Variants in SLC25A48 observed in about 807,000 individuals in gnomAD.
SLC25A48 encodes CTC-321K16.1.
Under a neutral mutation model 32.2 loss-of-function variants are expected in SLC25A48, and 29 were observed. The ratio of observed to expected loss-of-function variants is 0.90; its 90% CI spans 0.67 to 1.23. The LOEUF (loss-of-function observed/expected upper bound fraction) is 1.23, where lower values mean the gene tolerates loss of function less well. Ranked by LOEUF, SLC25A48 falls within the 50% of genes most tolerant of loss-of-function variation. The pLI, the probability that SLC25A48 is intolerant of heterozygous loss-of-function variation, is 0.00. For missense variants in SLC25A48, 399 were observed against 422.7 expected (o/e 0.94, Z 0.49); for synonymous variants, 164 against 172.3 (o/e 0.95, Z 0.38).
intron 3 of SLC25A48, among the ~76,000 whole-genome samples, chr5:135,782,407 G>A (rs1226589622): frequency 8.6e-6 from 1 of 116,624 alleles, no homozygotes; most frequent in African/African-American, 2.6e-5. Flanking sequence ...CCCCAATACC[G>A]CAGCAGGTGC....
intron 3 of SLC25A48, among the ~76,000 whole-genome samples, chr5:135,776,288 A>G (rs912653777): frequency 2.0e-5 from 3 of 151,122 alleles, no homozygotes; most frequent in African/African-American, 7.3e-5. Context: ...GGCAGAGAGA[A>G]TAATATTACT....
chr5:135,761,252 G>A (rs907736173), intron 3 of SLC25A48, among the ~76,000 whole-genome samples: 5 of 152,266 alleles, frequency 3.3e-5, no homozygotes, highest in African/African-American at 9.6e-5. Flanking sequence ...GGTTGAGGCT[G>A]CAATGAGCCA....
rs113349992 is a variant in SLC25A48, at chr5:135,593,425, A to G, written c.-849+13828A>G. On this transcript the variant is annotated intron_variant, in intron 1 of 10. Transcript: ENST00000646290. ...AACCTCAGGTCAACACTCAATGGAT[A>G]TTTCGTGTTTCTAGCCTCTGGCAGA... Among the ~76,000 whole-genome samples, 1,272 of 152,282 alleles carry G rather than the reference A, an allele frequency of 8.4e-3. 30 individuals are homozygous for G. Among genetic ancestry groups the G allele is most frequent in the African/African-American group, 0.028 (1,183 of 41,538 alleles).
intron 3 of SLC25A48, among the ~76,000 whole-genome samples, chr5:135,773,546 G>A (rs951201535): frequency 2.0e-5 from 3 of 150,640 alleles, no homozygotes; most frequent in Admixed American, 6.7e-5. Flanking sequence ...GATACTGTGC[G>A]ATCCCCCCAC....
chr5:135,673,350 A>T (rs1753698487), intron 3 of SLC25A48, among the ~76,000 whole-genome samples: 1 of 152,230 alleles, frequency 6.6e-6, no homozygotes, highest in Admixed American at 6.5e-5. Flanking sequence ...CTCTCCAGAA[A>T]TGCCTCTGAG....
rs189219922 is a variant in SLC25A48 at position 135,853,963 on chromosome 5, G to A, written c.421+1142G>A. On this transcript the variant is annotated intron_variant, in intron 4 of 7. Coordinates refer to ENST00000681962, the MANE Select transcript of SLC25A48 (RefSeq NM_001349336.2). The stretch of plus-strand genomic sequence containing the variant: ...TGCCGAATGGATGCTGTGTTAGCAG[G>A]CCTGGAAACAACATTCATCTCCTTG... Among the ~76,000 whole-genome samples, 21 of 152,290 alleles carry A rather than the reference G, an allele frequency of 1.4e-4. No individual in the cohort carries two copies. The East Asian group carries it at 4.0e-3, about 29-fold the overall frequency.
intron 3 of SLC25A48, among the ~76,000 whole-genome samples, chr5:135,738,343 A>G (rs1446032993): frequency 2.6e-5 from 4 of 152,204 alleles, no homozygotes; most frequent in African/African-American, 9.6e-5. Context: ...AATCTGTCCA[A>G]TTAATTCTGC....
intron 1 of SLC25A48, among the ~76,000 whole-genome samples, chr5:135,841,715 G>A (rs953219603): frequency 6.7e-6 from 1 of 150,056 alleles, no homozygotes; most frequent in Non-Finnish European, 1.5e-5. Context: ...GTGGGTGGGG[G>A]GTATAAAACA....
At chr5:135,668,276 A>G (rs1267255279) in intron 3 of SLC25A48, among the ~76,000 whole-genome samples, 1 of 152,252 alleles carries the variant, frequency 6.6e-6, no homozygotes, top group East Asian at 1.9e-4. Context: ...TTTAAGACTT[A>G]TGGATCAAAA....
intron 3 of SLC25A48, among the ~76,000 whole-genome samples, chr5:135,756,968 C>T (rs1266601557): frequency 6.7e-6 from 1 of 149,430 alleles, no homozygotes; most frequent in Admixed American, 6.7e-5. Context: ...TGTTAACACA[C>T]TATGATGTTA....
At chr5:135,814,499 T>C (rs1272498250) in intron 4 of SLC25A48, among the ~76,000 whole-genome samples, 1 of 152,142 alleles carries the variant, frequency 6.6e-6, no homozygotes, top group Non-Finnish European at 1.5e-5. Context: ...GGTCAGATGG[T>C]CCCTGTTACA....
chr5:135,698,398 G>A (rs1754316206), intron 3 of SLC25A48, among the ~76,000 whole-genome samples: 1 of 152,070 alleles, frequency 6.6e-6, no homozygotes, highest in Non-Finnish European at 1.5e-5. Flanking sequence ...ATGTGGCTGG[G>A]TCAAAGCCAT....
At chr5:135,718,304 C>T (rs904500216) in intron 3 of SLC25A48, among the ~76,000 whole-genome samples, 12 of 152,088 alleles carry the variant, frequency 7.9e-5, no homozygotes, top group Non-Finnish European at 1.5e-4. Context: ...AAGTAATAGC[C>T]GGGCACTAGG....
chr5:135,720,526 C>T (rs188650131), intron 3 of SLC25A48, among the ~76,000 whole-genome samples: 193 of 152,328 alleles, frequency 1.3e-3, no homozygotes, highest in Middle Eastern at 3.4e-3. Flanking sequence ...TGACTTTTCA[C>T]GAGAATCAAT....
At chr5:135,746,639 TAC>T (rs1354373799) in intron 3 of SLC25A48, among the ~76,000 whole-genome samples, 1 of 152,194 alleles carries the variant, frequency 6.6e-6, no homozygotes, top group Admixed American at 6.5e-5. Flanking sequence ...CTATCATACA[TAC>T]TTCGGCAGTG....
intron 3 of SLC25A48, among the ~76,000 whole-genome samples, chr5:135,797,586 G>T (rs1580891643): frequency 6.6e-6 from 1 of 151,774 alleles, no homozygotes; most frequent in Non-Finnish European, 1.5e-5. Flanking sequence ...TGATATTGCT[G>T]TCAGTATCCA....
At chr5:135,598,815 T>C (rs1303583092) in intron 1 of SLC25A48, among the ~76,000 whole-genome samples, 2 of 152,230 alleles carry the variant, frequency 1.3e-5, no homozygotes, top group East Asian at 3.9e-4. Context: ...TAAAGTGAAA[T>C]GGAGGACATA....
intron 1 of SLC25A48, among the ~76,000 whole-genome samples, chr5:135,625,111 G>A (rs899115119): frequency 2.0e-5 from 3 of 152,010 alleles, no homozygotes; most frequent in Non-Finnish European, 2.9e-5. Context: ...AAGAAGGAGC[G>A]GTTTCCCTGA....
At chr5:135,635,931 C>T (rs249592) in intron 3 of SLC25A48, among the ~76,000 whole-genome samples, 42,032 of 151,812 alleles carry the variant, frequency 0.28, 6,271 homozygotes, top group East Asian at 0.61. Flanking sequence ...AAGTCCATCC[C>T]GAAGCAAATG....
Sources: gnomAD v4.1 joint callset for allele counts (sites outside exome capture counted in the v4.1 genomes callset) on GRCh38, gnomAD v4.1.1 for gene constraint, MANE v1.5 for transcripts, NCBI Gene and HGNC (gene_info 2026-07-23, HGNC 2026-07-21) for gene names.